FAM135A: variants seen among roughly 807,000 people sequenced by gnomAD.
The protein encoded by FAM135A is protein FAM135A.
Under a neutral mutation model 146.8 loss-of-function variants are expected in FAM135A, and 79 were observed. The observed-to-expected ratio is 0.54, with a 90% CI of 0.45 to 0.65. The LOEUF is 0.65. Ranked by LOEUF, FAM135A falls within the 30% of genes least tolerant of loss-of-function variation. The probability of loss-of-function intolerance (pLI) is 0.00; values close to 1 mark genes in which losing one functional copy is unlikely to be tolerated. For missense variants in FAM135A, 1,623 were observed against 1,758.2 expected (o/e 0.92, Z 1.38); for synonymous variants, 562 against 603.6 (o/e 0.93, Z 1.01).
chr6:70,498,471 C>G (rs1339697085), intron 11 of FAM135A, among the ~76,000 whole-genome samples: 1 of 152,086 alleles, frequency 6.6e-6, no homozygotes, highest in Admixed American at 6.6e-5. Flanking sequence ...GTGTCTCTAT[C>G]TCCTTCAGTT....
At chr6:70,453,738 A>G (rs1777644035) in intron 5 of FAM135A, among the ~76,000 whole-genome samples, 1 of 152,230 alleles carries the variant, frequency 6.6e-6, no homozygotes, top group African/African-American at 2.4e-5. Context: ...TACAAAGGAC[A>G]TTAACTCATC....
chr6:70,559,832 A>C lies in FAM135A; in HGVS notation c.4459A>C (p.Ile1487Leu), dbSNP rs1202619725. The C allele has an allele frequency of 1.2e-6, 2 of 1,614,014 alleles. No individual in the cohort carries two copies. Among genetic ancestry groups the C allele is most frequent in the African/African-American group, 2.7e-5 (2 of 74,924 alleles). ...ATTGCCCAATACAGCTGATTCACTC[A>C]TTGGGAGAGCTGCACATATAGCTGT... is the stretch of plus-strand genomic sequence containing the variant. ...NALPNTADSL[I>L]GRAAHIAVLD... Residue 1487 changes from isoleucine to leucine, a missense_variant, in exon 22 of 22, where the codon ATT becomes CTT. By Grantham distance (5) the Ile-to-Leu change is conservative (BLOSUM62 2). Around this residue, in one of 7 missense-constraint regions of FAM135A, gnomAD observed 138 missense variants for 174.1 expected, o/e 0.79. Transcript: ENST00000418814.
chr6:70,491,902 G>GA (rs1786060371), intron 11 of FAM135A, among the ~76,000 whole-genome samples: 1 of 151,708 alleles, frequency 6.6e-6, no homozygotes, highest in Non-Finnish European at 1.5e-5. Flanking sequence ...AGCTATTAAA[G>GA]AAAATTTGAA....
chr6:70,529,089 G>A (rs1185734316), intron 16 of FAM135A, among the ~76,000 whole-genome samples: 3 of 150,784 alleles, frequency 2.0e-5, no homozygotes, highest in Non-Finnish European at 3.0e-5. Context: ...CAGTTATTTT[G>A]TCTCCCTTTG....
intron 2 of FAM135A, chr6:70,417,691 T>TCA: frequency 1.1e-6 from 1 of 900,614 alleles, no homozygotes; most frequent in Non-Finnish European, 1.3e-6. Flanking sequence ...TGCTCTTTGA[T>TCA]GTCTTCAGAT....
At chr6:70,536,885 T>C (rs1796889024) in intron 19 of FAM135A, among the ~76,000 whole-genome samples, 1 of 151,838 alleles carries the variant, frequency 6.6e-6, no homozygotes, top group Non-Finnish European at 1.5e-5. Flanking sequence ...GTTAAGACCC[T>C]AAATTTGATT....
At chr6:70,456,625 TTAAG>T (rs1472330279) in intron 5 of FAM135A, among the ~76,000 whole-genome samples, 7 of 152,194 alleles carry the variant, frequency 4.6e-5, no homozygotes, top group African/African-American at 7.2e-5. Context: ...AAGGATATAA[TTAAG>T]TGTCACAATA....
intron 12 of FAM135A, 131 bp downstream of exon 12, chr6:70,502,922 ATTGT>A (rs1788904090): frequency 3.2e-6 from 3 of 940,564 alleles, no homozygotes; most frequent in South Asian, 4.2e-5. Flanking sequence ...TCATATTGTT[ATTGT>A]TTGACTTCCA....
rs868316506 is a variant in FAM135A, at chr6:70,486,430, T to A, written c.823+4276T>A. 1.8e-4 allele frequency among the ~76,000 whole-genome samples: 28 copies of A among 152,354 alleles called. 1 individual carries two copies. The highest frequency in any genetic ancestry group is 3.4e-3 in the Middle Eastern group (1 of 294). On this transcript the variant is annotated intron_variant, in intron 10 of 21. Coordinates refer to ENST00000418814, the MANE Select transcript of FAM135A (RefSeq NM_001162529.3). Reference sequence around the variant, plus strand: ...AATTTTGGTTAATTTCCTAATTAATTTGTAATATTGAAGTTTTTACTTAAA... The same window carrying A: ...AATTTTGGTTAATTTCCTAATTAATATGTAATATTGAAGTTTTTACTTAAA...
chr6:70,526,463 C>G lies in FAM135A; in HGVS notation c.3379C>G (p.Leu1127Val). 1.2e-6 allele frequency: 2 copies of G among 1,613,276 alleles called. No individual in the cohort carries two copies. Among genetic ancestry groups the G allele is most frequent in the Non-Finnish European group, 1.7e-6 (2 of 1,179,548 alleles). ...TSRDELMEER[L>V]TKSEKINSDY... ...CAGAGATGAACTAATGGAAGAAAGACTTACAAAATCTGAAAAAATAAACAG... is the reference window on the plus strand; with the variant it reads ...CAGAGATGAACTAATGGAAGAAAGAGTTACAAAATCTGAAAAAATAAACAG... Residue 1127 changes from leucine (L) to valine (V), a missense_variant, in exon 15 of 22, where the codon CTT (leucine) becomes GTT (valine). Leu to Val is a conservative substitution (Grantham distance 32, BLOSUM62 1). Around this residue, in one of 7 missense-constraint regions of FAM135A, gnomAD observed 1,061 missense variants for 1,113.8 expected, o/e 0.95. Transcript: ENST00000418814.
intron 12 of FAM135A, among the ~76,000 whole-genome samples, chr6:70,519,176 G>A (rs6933150): frequency 6.6e-6 from 1 of 151,976 alleles, no homozygotes; most frequent in African/African-American, 2.4e-5. Context: ...AAGGGGTCAC[G>A]ACGAGTGGAG....
At chr6:70,522,470 T>A (rs758029477) in intron 12 of FAM135A, 43 bp from the exon 13 acceptor site, 194 of 1,570,630 alleles carry the variant, frequency 1.2e-4, no homozygotes, top group Non-Finnish European at 1.6e-4. Context: ...ATTGACTTTT[T>A]AAATACGTCA....
intron 10 of FAM135A, among the ~76,000 whole-genome samples, chr6:70,485,232 A>G (rs1784396846): frequency 6.6e-6 from 1 of 152,120 alleles, no homozygotes; most frequent in Admixed American, 6.5e-5. Context: ...AGGCATCAAC[A>G]TAAAGCTTAA....
At chr6:70,518,743 T>C (rs1307552070) in intron 12 of FAM135A, among the ~76,000 whole-genome samples, 2 of 152,246 alleles carry the variant, frequency 1.3e-5, no homozygotes, top group African/African-American at 2.4e-5. Flanking sequence ...CACATCTGTT[T>C]ACAGCATGGT....
At position 70,458,429 on chromosome 6, in the gene FAM135A, G is replaced by A. The variant is rs113032177; in HGVS notation, c.157+5858G>A. On this transcript the variant is annotated intron_variant, in intron 5 of 21. Coordinates refer to ENST00000418814, the MANE Select transcript of FAM135A (RefSeq NM_001162529.3). Reference sequence around the variant, plus strand: ...TGATAACTTGTTTTTCTTGTTTGTGGTTTGCAAAGATATGTGCAAAGCCTT... The same window carrying A: ...TGATAACTTGTTTTTCTTGTTTGTGATTTGCAAAGATATGTGCAAAGCCTT... Among the ~76,000 whole-genome samples the A allele has an allele frequency of 4.2e-3, 643 of 151,912 alleles. 4 individuals carry two copies. The highest frequency in any genetic ancestry group is 0.015 in the African/African-American group (606 of 41,470).
At chr6:70,448,652 C>T (rs931257376) in intron 4 of FAM135A, among the ~76,000 whole-genome samples, 5 of 152,126 alleles carry the variant, frequency 3.3e-5, no homozygotes, top group African/African-American at 1.2e-4. Flanking sequence ...GTCTCACAGC[C>T]TTCAGAGCTG....
At chr6:70,528,570 A>G in intron 16 of FAM135A, 118 bp downstream of exon 16, 1 of 865,248 alleles carries the variant, frequency 1.2e-6, no homozygotes, top group Non-Finnish European at 1.6e-6. Flanking sequence ...GCTTAAATTA[A>G]TTGAATCTTA....
At chr6:70,460,918 G>A (rs1779309977) in intron 5 of FAM135A, among the ~76,000 whole-genome samples, 1 of 150,754 alleles carries the variant, frequency 6.6e-6, no homozygotes, top group Non-Finnish European at 1.5e-5. Flanking sequence ...CCGCCTCCTG[G>A]ACTCAAGAAA....
chr6:70,451,873 T>C (rs774118219), intron 4 of FAM135A, among the ~76,000 whole-genome samples: 18 of 152,084 alleles, frequency 1.2e-4, no homozygotes, highest in Non-Finnish European at 2.1e-4. Context: ...AGTGTGATGA[T>C]GTTATAAGAC....
Sources: allele counts gnomAD v4.1 joint callset (sites outside exome capture counted in the v4.1 genomes callset), GRCh38; gene constraint gnomAD v4.1.1; regional missense constraint gnomAD v4.1.1; transcripts MANE v1.5; gene names NCBI Gene and HGNC (gene_info 2026-07-23, HGNC 2026-07-21).